ABI1: variants seen among roughly 807,000 people sequenced by gnomAD.
The protein encoded by ABI1 is abl interactor 1.
In ABI1, 14 loss-of-function variants were observed where a neutral mutation model predicts 54.6. The observed-to-expected ratio is 0.26, with a 90% CI of 0.17 to 0.40. The LOEUF (loss-of-function observed/expected upper bound fraction) is 0.40, where lower values mean the gene tolerates loss of function less well. Among genes scored for constraint, ABI1 ranks in the 10% least tolerant of loss-of-function variants. ABI1 has a pLI of 1.00. For missense variants in ABI1, 443 were observed against 598.3 expected, an observed-to-expected ratio of 0.74 and a Z score of 2.71; for synonymous variants, 194 against 209.3, an observed-to-expected ratio of 0.93 and a Z score of 0.63.
At position 26,755,717 on chromosome 10, in the gene ABI1, G is replaced by A; in HGVS notation, c.1022C>T (p.Pro341Leu). 6.2e-7 allele frequency: 1 copy of A among 1,613,370 alleles called. No homozygotes were observed. Among genetic ancestry groups the A allele is most frequent in the Non-Finnish European group, 8.5e-7 (1 of 1,179,434 alleles). The change falls in exon 9 of 11, where the codon CCT becomes CTT. Residue 341 changes from proline to leucine, a missense_variant. Physicochemically the swap from Pro to Leu is moderately conservative, Grantham distance 98 (BLOSUM62 -3). Around this residue, in one of 2 missense-constraint regions of ABI1, gnomAD observed 394 missense variants for 484.8 expected, o/e 0.81. Coordinates refer to ENST00000376140, the MANE Select transcript of ABI1 (RefSeq NM_001012750.3). ...NSISIAPPPP[P>L]MPQLTPQIPL... is the part of the protein sequence containing the mutation. ...TATCTGTGGAGTCAACTGAGGCATA[G>A]GGGGAGGGGGTGGAGCAATAGAAAC...
chr10:26,770,954 A>T, intron 4 of ABI1, 121 bp downstream of exon 4: 1 of 994,686 alleles, frequency 1.0e-6, no homozygotes, highest in East Asian at 2.5e-5. Context: ...TAAATAATCT[A>T]CATAAATCCT....
rs561299552 is a variant in ABI1 at position 26,791,418 on chromosome 10, G to A, written c.286-14177C>T. ...TCTACTCACAACCACACATACACCCGATTGTCCCCCTTCTATCCCATGTTA... is the reference window on the plus strand; with the variant it reads ...TCTACTCACAACCACACATACACCCAATTGTCCCCCTTCTATCCCATGTTA... On this transcript the variant is annotated intron_variant, in intron 2 of 10. Transcript: ENST00000376140. Among the ~76,000 whole-genome samples, 4 of 152,206 alleles carry A rather than the reference G, an allele frequency of 2.6e-5. No individual in the cohort carries two copies. In the South Asian group the frequency reaches 6.2e-4, roughly 24 times the overall value.
At chr10:26,810,500 C>A (rs1317095950) in intron 2 of ABI1, among the ~76,000 whole-genome samples, 1 of 152,170 alleles carries the variant, frequency 6.6e-6, no homozygotes, top group African/African-American at 2.4e-5. Flanking sequence ...TTTTATAACA[C>A]CTCAGGGATC....
chr10:26,842,490 G>A (rs10764656), intron 1 of ABI1, among the ~76,000 whole-genome samples: 38,756 of 151,790 alleles, frequency 0.26, 5,591 homozygotes, highest in South Asian at 0.44. Context: ...AATCCAAAAA[G>A]AAAATTCTAG....
At chr10:26,826,204 C>T (rs2048295437) in intron 1 of ABI1, among the ~76,000 whole-genome samples, 1 of 152,186 alleles carries the variant, frequency 6.6e-6, no homozygotes, top group Admixed American at 6.5e-5. Context: ...GTCAAAATTA[C>T]TCTATGGGGC....
At chr10:26,800,621 A>C (rs2046485999) in intron 2 of ABI1, among the ~76,000 whole-genome samples, 1 of 152,134 alleles carries the variant, frequency 6.6e-6, no homozygotes, top group Admixed American at 6.5e-5. Context: ...TATAAAATAA[A>C]ACAAAAAAAT....
chr10:26,852,644 T>G (rs1035977927), intron 1 of ABI1, among the ~76,000 whole-genome samples: 3 of 152,176 alleles, frequency 2.0e-5, no homozygotes, highest in Admixed American at 1.3e-4. Context: ...ACACTTGCCT[T>G]TCCATAGAAG....
At chr10:26,779,544 A>G (rs1208684161) in intron 2 of ABI1, among the ~76,000 whole-genome samples, 2 of 152,186 alleles carry the variant, frequency 1.3e-5, no homozygotes, top group Admixed American at 6.5e-5. Flanking sequence ...ATACATCTAC[A>G]CTGAGTTTGA....
chr10:26,823,539 T>C (rs1413698848), intron 1 of ABI1, among the ~76,000 whole-genome samples: 2 of 152,188 alleles, frequency 1.3e-5, no homozygotes, highest in Non-Finnish European at 2.9e-5. Flanking sequence ...GGCCACTAAC[T>C]GTAGTCACAG....
intron 2 of ABI1, among the ~76,000 whole-genome samples, chr10:26,799,998 A>G (rs1255781425): frequency 9.2e-6 from 1 of 108,152 alleles, no homozygotes; most frequent in African/African-American, 5.5e-5. Context: ...ATAAACCACA[A>G]AAACGTAAAA....
chr10:26,836,912 T>G (rs2049122190), intron 1 of ABI1, among the ~76,000 whole-genome samples: 1 of 152,148 alleles, frequency 6.6e-6, no homozygotes, highest in Admixed American at 6.5e-5. Context: ...ATAAAAAGGG[T>G]CTTGGCTGAA....
At chr10:26,815,271 A>G (rs2133642705) in intron 2 of ABI1, among the ~76,000 whole-genome samples, 1 of 152,304 alleles carries the variant, frequency 6.6e-6, no homozygotes, top group South Asian at 2.1e-4. Flanking sequence ...AGTTCCAAGT[A>G]ATTCAATGTA....
intron 9 of ABI1, among the ~76,000 whole-genome samples, chr10:26,754,256 GC>G (rs1277755954): frequency 2.0e-5 from 3 of 152,096 alleles, no homozygotes; most frequent in African/African-American, 4.8e-5. Flanking sequence ...CTCAAATGAT[GC>G]CCCAGCCTCA....
intron 2 of ABI1, among the ~76,000 whole-genome samples, chr10:26,777,487 T>C (rs1453484042): frequency 2.6e-5 from 4 of 152,140 alleles, no homozygotes; most frequent in Non-Finnish European, 1.5e-5. Flanking sequence ...TTCCTAACAA[T>C]TTGGTATGTG....
At chr10:26,842,641 T>G (rs1480975256) in intron 1 of ABI1, among the ~76,000 whole-genome samples, 1 of 152,184 alleles carries the variant, frequency 6.6e-6, no homozygotes, top group Non-Finnish European at 1.5e-5. Flanking sequence ...TACAAAAATG[T>G]GTACAATTAA....
chr10:26,827,353 C>G (rs1248874914), intron 1 of ABI1, among the ~76,000 whole-genome samples: 6 of 151,990 alleles, frequency 3.9e-5, no homozygotes. Flanking sequence ...TCCCAAGCAG[C>G]TGGCACTATA....
Position 26,765,872 on chromosome 10 carries a change from ATC to A in ABI1, c.720-556_720-555del, listed in dbSNP as rs142353725. Among the ~76,000 whole-genome samples, 517 of 152,314 alleles carry A rather than the reference ATC, an allele frequency of 3.4e-3. 2 individuals are homozygous for A. The highest frequency in any genetic ancestry group is 0.012 in the African/African-American group (483 of 41,556). On this transcript the variant is annotated intron_variant, in intron 6 of 10. Transcript: ENST00000376140. ...TAATGATAACACAGTACTTAAAACC[ATC>A]TCTGTTGAAATATTTATCACCAACA...
chr10:26,777,931 C>A (rs1282551678), intron 2 of ABI1, among the ~76,000 whole-genome samples: 1 of 152,020 alleles, frequency 6.6e-6, no homozygotes, highest in Non-Finnish European at 1.5e-5. Context: ...GACATATGCA[C>A]AGTTCATTCA....
Position 26,823,210 on chromosome 10 carries a change from A to G in ABI1, c.213T>C (p.Asn71=). 6.2e-7 allele frequency: 1 copy of G among 1,605,550 alleles called. No homozygotes were observed. The highest frequency in any genetic ancestry group is 1.1e-5 in the South Asian group (1 of 88,694). ...VAYQINALAN[N]VLQLLDIQAS... ...CTTGGATATCCAGCAACTGGAGTAC[A>G]TTGTTGGCCAATGCATTTATTTGAT... The change falls in exon 2 of 11, where the codon AAT becomes AAC. Residue 71 remains asparagine (N), a synonymous_variant. Transcript: ENST00000376140.
Sources: allele counts gnomAD v4.1 joint callset (sites outside exome capture counted in the v4.1 genomes callset), GRCh38; gene constraint gnomAD v4.1.1; regional missense constraint gnomAD v4.1.1; transcripts MANE v1.5; gene names NCBI Gene and HGNC (gene_info 2026-07-23, HGNC 2026-07-21).